The following CPQ variants were observed in gnomAD, a reference collection of about 807,000 sequenced individuals.
CPQ encodes Ser-Met dipeptidase.
CPQ carries 37 observed loss-of-function variants against 45.7 expected under a neutral mutation model. That is an observed-to-expected ratio of 0.81 (90% CI 0.62 to 1.07). The LOEUF is 1.07. Among genes scored for constraint, CPQ ranks in the 50% least tolerant of loss-of-function variants. The pLI, the probability that CPQ is intolerant of heterozygous loss-of-function variation, is 0.00. For missense variants in CPQ, 537 were observed against 572.9 expected, an observed-to-expected ratio of 0.94 and a Z score of 0.64; for synonymous variants, 186 against 205.8, an observed-to-expected ratio of 0.90 and a Z score of 0.82.
intron 4 of CPQ, among the ~76,000 whole-genome samples, chr8:96,883,947 A>C (rs1433619425): frequency 6.6e-6 from 1 of 152,190 alleles, no homozygotes; most frequent in African/African-American, 2.4e-5. Context: ...TGGTAAAATG[A>C]AGGAGTAAGT....
intron 1 of CPQ, among the ~76,000 whole-genome samples, chr8:96,744,087 T>C (rs969933237): frequency 6.6e-6 from 1 of 152,268 alleles, no homozygotes; most frequent in African/African-American, 2.4e-5. Context: ...CACTGCCACC[T>C]TGCAGTTTGA....
intron 4 of CPQ, among the ~76,000 whole-genome samples, chr8:96,908,652 G>T (rs1281936551): frequency 6.6e-6 from 1 of 151,812 alleles, no homozygotes; most frequent in Non-Finnish European, 1.5e-5. Context: ...ATGGGAGATA[G>T]GTTACTCTTT....
intron 3 of CPQ, among the ~76,000 whole-genome samples, chr8:96,843,281 C>T (rs1811640753): frequency 6.6e-6 from 1 of 151,630 alleles, no homozygotes; most frequent in South Asian, 2.1e-4. Flanking sequence ...AAAGTTGCTA[C>T]TATTATACAG....
At chr8:97,133,681 C>A (rs1482717164) in intron 7 of CPQ, among the ~76,000 whole-genome samples, 1 of 152,092 alleles carries the variant, frequency 6.6e-6, no homozygotes, top group Non-Finnish European at 1.5e-5. Context: ...GTCTTAGAAG[C>A]CAATAAACTG....
intron 5 of CPQ, among the ~76,000 whole-genome samples, chr8:97,008,884 G>C (rs534299186): frequency 1.3e-4 from 20 of 152,090 alleles, no homozygotes; most frequent in African/African-American, 4.3e-4. Flanking sequence ...AAAGAAAAAC[G>C]TCTTTGCCCT....
chr8:96,890,780 C>A (rs1011948031), intron 4 of CPQ, among the ~76,000 whole-genome samples: 1 of 152,158 alleles, frequency 6.6e-6, no homozygotes, highest in African/African-American at 2.4e-5. Flanking sequence ...ACTAAGACTT[C>A]TAAGCCAGCA....
At chr8:97,045,136 C>T (rs1249138399) in intron 6 of CPQ, among the ~76,000 whole-genome samples, 2 of 152,210 alleles carry the variant, frequency 1.3e-5, no homozygotes, top group African/African-American at 4.8e-5. Context: ...GTGGTGGGCT[C>T]CACCCAGTTC....
chr8:96,794,782 A>T lies in CPQ; in HGVS notation c.433+9452A>T, dbSNP rs563711087. On this transcript the variant is annotated intron_variant, in intron 2 of 7. Transcript: ENST00000220763. Reference sequence around the variant, plus strand: ...CCAGATACCCTAAATCATCTCTCTCAAGTTCAAAGTTCCACAAATTGCTAG... The same window carrying T: ...CCAGATACCCTAAATCATCTCTCTCTAGTTCAAAGTTCCACAAATTGCTAG... Among the ~76,000 whole-genome samples, 218 of 152,212 alleles carry T rather than the reference A, an allele frequency of 1.4e-3. 4 individuals are homozygous for T. The highest frequency in any genetic ancestry group is 0.011 in the Admixed American group (169 of 15,282).
intron 1 of CPQ, among the ~76,000 whole-genome samples, chr8:96,714,631 A>T (rs900228324): frequency 2.0e-5 from 3 of 151,796 alleles, no homozygotes; most frequent in African/African-American, 4.8e-5. Context: ...GATTTTTTTT[A>T]TCTGGTATTT....
rs1445697100 is a variant in CPQ at position 96,926,576 on chromosome 8, C to CTCTTCCTCTTCTTCTTCTTCTTCTTCT, written c.850-39354_850-39353insCTCTTCTTCTTCTTCTTCTTCTTCTTC. Among the ~76,000 whole-genome samples the CTCTTCCTCTTCTTCTTCTTCTTCTTCT allele has an allele frequency of 3.7e-3, 278 of 74,968 alleles. 1 individual carries two copies. Among genetic ancestry groups the CTCTTCCTCTTCTTCTTCTTCTTCTTCT allele is most frequent in the Middle Eastern group, 6.0e-3 (1 of 166 alleles). 49.2% of individuals were successfully genotyped at this position (74,968 alleles called of 152,430 possible). A position where few individuals can be genotyped will look rare whatever the true frequency, so the allele number is the denominator to read the frequency against. On this transcript the variant is annotated intron_variant, in intron 4 of 7. Transcript: ENST00000220763. ...CCTCTTCCTCTTCCTCTTCCTCTTC[C>CTCTTCCTCTTCTTCTTCTTCTTCTTCT]TCTTCTTCTTCTTCTTCTTCTTCTT...
intron 2 of CPQ, among the ~76,000 whole-genome samples, chr8:96,828,845 A>G (rs1485309929): frequency 3.3e-5 from 5 of 152,098 alleles, no homozygotes; most frequent in African/African-American, 1.2e-4. Flanking sequence ...TCCCTGTGAT[A>G]ATTACTATAA....
chr8:97,054,133 A>C (rs192111586), intron 6 of CPQ, among the ~76,000 whole-genome samples: 417 of 152,302 alleles, frequency 2.7e-3, no homozygotes, highest in African/African-American at 9.3e-3. Flanking sequence ...GACATTTCTC[A>C]AAAGAAGATA....
At chr8:96,674,494 TTAAAA>T (rs1168799102) in intron 1 of CPQ, among the ~76,000 whole-genome samples, 19 of 152,090 alleles carry the variant, frequency 1.2e-4, no homozygotes, top group Admixed American at 2.6e-4. Context: ...TGTAGAGACT[TTAAAA>T]TAATGAAAAA....
intron 5 of CPQ, among the ~76,000 whole-genome samples, chr8:96,983,043 C>T (rs1457966484): frequency 6.6e-6 from 1 of 152,160 alleles, no homozygotes; most frequent in Non-Finnish European, 1.5e-5. Flanking sequence ...GTTACCAATA[C>T]AGTTGAAACC....
At chr8:96,716,424 A>G (rs773013771) in intron 1 of CPQ, among the ~76,000 whole-genome samples, 1 of 152,136 alleles carries the variant, frequency 6.6e-6, no homozygotes, top group Admixed American at 6.5e-5. Flanking sequence ...TGGTGCATCC[A>G]TCACCCAAGC....
chr8:97,015,399 C>T (rs1336772504), intron 5 of CPQ, among the ~76,000 whole-genome samples: 1 of 151,234 alleles, frequency 6.6e-6, no homozygotes, highest in Non-Finnish European at 1.5e-5. Context: ...AAGAGCCCTA[C>T]TATCAGGCAA....
intron 4 of CPQ, among the ~76,000 whole-genome samples, chr8:96,887,029 CT>C (rs1812314643): frequency 6.6e-6 from 1 of 152,024 alleles, no homozygotes; most frequent in Admixed American, 6.6e-5. Context: ...TTTTTAGCTC[CT>C]TGTCACTTTG....
chr8:97,068,190 T>G lies in CPQ; in HGVS notation c.1255+1980T>G, dbSNP rs1002019296. ...ACATGTACGTGTTGTATAAGAATGG[T>G]TCTGTTTGGAGTGATCAGGTTAATT... On this transcript the variant is annotated intron_variant, in intron 7 of 7. Transcript: ENST00000220763. 1.2e-4 allele frequency among the ~76,000 whole-genome samples: 18 copies of G among 152,208 alleles called. 1 individual carries two copies. The highest frequency in any genetic ancestry group is 2.4e-4 in the Non-Finnish European group (16 of 68,036).
intron 7 of CPQ, among the ~76,000 whole-genome samples, chr8:97,076,840 G>A (rs1810853689): frequency 6.6e-6 from 1 of 152,138 alleles, no homozygotes; most frequent in Non-Finnish European, 1.5e-5. Flanking sequence ...ACAACAGGGA[G>A]TTTAGGGGTG....
Sources: gnomAD v4.1 joint callset for allele counts (sites outside exome capture counted in the v4.1 genomes callset) on GRCh38, gnomAD v4.1.1 for gene constraint, MANE v1.5 for transcripts, NCBI Gene and HGNC (gene_info 2026-07-23, HGNC 2026-07-21) for gene names.